Variants in DNAH9 observed in about 807,000 individuals in gnomAD.
The protein encoded by DNAH9 is DNAH9 variant protein.
DNAH9 carries 345 observed loss-of-function variants against 471.6 expected under a neutral mutation model. The ratio of observed to expected loss-of-function variants is 0.73; its 90% CI spans 0.67 to 0.80. The LOEUF (loss-of-function observed/expected upper bound fraction) is 0.80, where lower values mean the gene tolerates loss of function less well. Among genes scored for constraint, DNAH9 ranks in the 30% least tolerant of loss-of-function variants. The probability of loss-of-function intolerance (pLI) is 0.00; values close to 1 mark genes in which losing one functional copy is unlikely to be tolerated. For synonymous variants in DNAH9, 2,093 were observed against 2,123.6 expected (o/e 0.99, Z 0.40); for missense variants, 5,407 against 5,609.2 (o/e 0.96, Z 1.15).
At chr17:11,874,111 G>A (rs78967221) in intron 52 of DNAH9, among the ~76,000 whole-genome samples, 9,606 of 151,968 alleles carry the variant, frequency 0.063, 767 homozygotes, top group East Asian at 0.42. Flanking sequence ...TGGGTGTGGT[G>A]GCAGGCACCT....
chr17:11,885,772 A>T (rs577427574), intron 56 of DNAH9, among the ~76,000 whole-genome samples: 28 of 152,078 alleles, frequency 1.8e-4, no homozygotes, highest in African/African-American at 5.5e-4. Context: ...TTTTTAGTTT[A>T]GTTTTGTTTT....
At chr17:11,943,700 C>A (rs1975019618) in intron 67 of DNAH9, among the ~76,000 whole-genome samples, 1 of 152,024 alleles carries the variant, frequency 6.6e-6, no homozygotes, top group South Asian at 2.1e-4. Context: ...ACAAAAAAAT[C>A]AAGGTTAGGG....
In DNAH9 at chr17:11,942,411, C is replaced by T. The variant is rs914624418; in HGVS notation, c.12769C>T (p.Gln4257Ter). 6.2e-7 allele frequency: 1 copy of T among 1,614,146 alleles called. No individual in the cohort carries two copies. Among genetic ancestry groups the T allele is most frequent in the Non-Finnish European group, 8.5e-7 (1 of 1,180,014 alleles). The change falls in exon 67 of 69, where the codon CAG becomes TAG. Residue 4257 changes from glutamine (Q) to a stop codon, truncating the protein, a stop_gained. Transcript: ENST00000262442. LOFTEE classifies it high-confidence loss of function. ...ERTPYIVVAFQECGRMNILTR... is the reference protein window; with the variant it reads ...ERTPYIVVAF ...CACCCCTTACATTGTAGTTGCCTTC[C>T]AGGAGTGTGGCCGGATGAATATCCT... is the stretch of plus-strand genomic sequence containing the variant.
chr17:11,782,827 G>A (rs906342097), intron 39 of DNAH9, among the ~76,000 whole-genome samples: 1 of 152,134 alleles, frequency 6.6e-6, no homozygotes, highest in African/African-American at 2.4e-5. Context: ...AACCCAGAAG[G>A]TAGAGGTTGC....
chr17:11,888,044 G>A lies in DNAH9; in HGVS notation c.11112+1079G>A, dbSNP rs559403043. Among the ~76,000 whole-genome samples, 73 of 151,284 alleles carry A rather than the reference G, an allele frequency of 4.8e-4. 1 individual carries two copies. Among genetic ancestry groups the A allele is most frequent in the African/African-American group, 1.6e-3 (66 of 41,218 alleles). ...GTTGCCCAGGCTGGAGTGCAGAGGC[G>A]CGATCTCGGCTTACTGCAAGCTCTG... On this transcript the variant is annotated intron_variant, in intron 57 of 68. Coordinates refer to ENST00000262442, the MANE Select transcript of DNAH9 (RefSeq NM_001372.4).
At chr17:11,708,661 A>G (rs2074774614) in intron 26 of DNAH9, among the ~76,000 whole-genome samples, 2 of 152,122 alleles carry the variant, frequency 1.3e-5, no homozygotes, top group South Asian at 4.2e-4. Flanking sequence ...CTTTAGGGCC[A>G]TTCTCAGTCA....
At chr17:11,928,833 C>G (rs896346417) in intron 62 of DNAH9, among the ~76,000 whole-genome samples, 1 of 152,244 alleles carries the variant, frequency 6.6e-6, no homozygotes, top group East Asian at 1.9e-4. Flanking sequence ...GTACCAATTA[C>G]CGGAGGATCT....
intron 4 of DNAH9, among the ~76,000 whole-genome samples, chr17:11,616,818 C>G (rs2072756491): frequency 6.6e-6 from 1 of 152,186 alleles, no homozygotes; most frequent in African/African-American, 2.4e-5. Context: ...TGGGGAACAT[C>G]ACACATCTGT....
At chr17:11,656,712 T>C (rs192607446) in intron 14 of DNAH9, among the ~76,000 whole-genome samples, 90 of 152,314 alleles carry the variant, frequency 5.9e-4, no homozygotes, top group Middle Eastern at 6.8e-3. Context: ...CGTTTGCTAT[T>C]ACCCTAGAAA....
Position 11,793,523 on chromosome 17 carries a change from G to A in DNAH9, c.8082G>A (p.Val2694=). The part of the protein sequence containing the change: ...NIFQGILFSS[V]ECVKSTWDLI... ...TGAAGGGCATTCTCTTCTCCTCAGT[G>A]GAATGTGTGAAATCCACATGGGATC... Residue 2694 remains valine, a synonymous_variant, in exon 42 of 69, where the codon GTG becomes GTA. Coordinates refer to ENST00000262442, the MANE Select transcript of DNAH9 (RefSeq NM_001372.4). The A allele has an allele frequency of 1.2e-6, 2 of 1,613,224 alleles. No homozygotes were observed. Among genetic ancestry groups the A allele is most frequent in the South Asian group, 2.2e-5 (2 of 90,738 alleles).
chr17:11,742,428 C>T, intron 30 of DNAH9, 115 bp downstream of exon 30: 1 of 1,061,290 alleles, frequency 9.4e-7, no homozygotes, highest in Non-Finnish European at 1.4e-6. Context: ...TAGAAAGTCA[C>T]TGTACCCATA....
At chr17:11,919,326 T>C (rs943225403) in intron 61 of DNAH9, among the ~76,000 whole-genome samples, 15 of 151,634 alleles carry the variant, frequency 9.9e-5, no homozygotes, top group African/African-American at 3.4e-4. Flanking sequence ...AAACCCTATC[T>C]CTACTAAAAA....
chr17:11,835,031 T>C (rs1417481186), intron 49 of DNAH9, 133 bp downstream of exon 49: 1 of 1,224,514 alleles, frequency 8.2e-7, no homozygotes, highest in Non-Finnish European at 1.1e-6. Flanking sequence ...ACTGATTTGC[T>C]CATTAAGCAA....
At chr17:11,887,579 A>G (rs1972917025) in intron 57 of DNAH9, among the ~76,000 whole-genome samples, 1 of 152,218 alleles carries the variant, frequency 6.6e-6, no homozygotes, top group African/African-American at 2.4e-5. Flanking sequence ...GGCATTCACC[A>G]AAAGACCACA....
At chr17:11,753,083 C>A in intron 33 of DNAH9, 123 bp downstream of exon 33, 1 of 768,928 alleles carries the variant, frequency 1.3e-6, no homozygotes, top group Non-Finnish European at 2.0e-6. Flanking sequence ...AAGGAACTAT[C>A]ATCAGCATCT....
intron 59 of DNAH9, among the ~76,000 whole-genome samples, chr17:11,898,882 T>C (rs555982611): frequency 6.6e-6 from 1 of 152,366 alleles, no homozygotes; most frequent in African/African-American, 2.4e-5. Context: ...AATGGATTGT[T>C]TGGTTCGCTT....
At chr17:11,913,606 C>T (rs974464980) in intron 61 of DNAH9, among the ~76,000 whole-genome samples, 5 of 152,080 alleles carry the variant, frequency 3.3e-5, no homozygotes, top group African/African-American at 1.2e-4. Context: ...CACAGTGAAA[C>T]CCCATCTCTA....
chr17:11,823,040 C>T lies in DNAH9; in HGVS notation c.9246+6C>T, dbSNP rs1245244016. ...TGCATAGCACCTCTGCCCAGGTGAGCAATGTCCCGCTCCTTCCACCTGCAG... is the reference window on the plus strand; with the variant it reads ...TGCATAGCACCTCTGCCCAGGTGAGTAATGTCCCGCTCCTTCCACCTGCAG... On this transcript the variant is annotated splice_donor_region_variant and intron_variant, in intron 48 of 68. Coordinates refer to ENST00000262442, the MANE Select transcript of DNAH9 (RefSeq NM_001372.4). 1 of 1,605,960 alleles carries T rather than the reference C, an allele frequency of 6.2e-7. No homozygotes were observed. The highest frequency in any genetic ancestry group is 8.5e-7 in the Non-Finnish European group (1 of 1,175,600).
intron 1 of DNAH9, among the ~76,000 whole-genome samples, chr17:11,602,525 C>T (rs961486162): frequency 6.6e-6 from 1 of 152,166 alleles, no homozygotes; most frequent in Non-Finnish European, 1.5e-5. Context: ...AAAAAGCCTC[C>T]AGTTTGAATC....
Sources: allele counts gnomAD v4.1 joint callset (sites outside exome capture counted in the v4.1 genomes callset), GRCh38; gene constraint gnomAD v4.1.1; transcripts MANE v1.5; gene names NCBI Gene and HGNC (gene_info 2026-07-23, HGNC 2026-07-21).